The following ACOXL variants were observed in gnomAD, a reference collection of about 807,000 sequenced individuals.
ACOXL encodes acyl-coenzyme A oxidase-like protein.
Under a neutral mutation model 71.9 loss-of-function variants are expected in ACOXL, and 70 were observed. The observed-to-expected ratio is 0.97, with a 90% CI of 0.80 to 1.19. ACOXL has a LOEUF of 1.19. ACOXL is among the 50% of genes most tolerant of loss of function. The pLI, the probability that ACOXL is intolerant of heterozygous loss-of-function variation, is 0.00. For synonymous variants in ACOXL, 253 were observed against 281.6 expected (o/e 0.90, Z 1.02); for missense variants, 703 against 736.3 (o/e 0.95, Z 0.52).
At chr2:110,871,686 G>A (rs574475738) in intron 10 of ACOXL, among the ~76,000 whole-genome samples, 2 of 152,156 alleles carry the variant, frequency 1.3e-5, no homozygotes, top group Non-Finnish European at 2.9e-5. Context: ...CAGCATCTCT[G>A]CCTCCCCGGG....
intron 15 of ACOXL, among the ~76,000 whole-genome samples, chr2:111,044,436 G>A (rs1286692929): frequency 6.6e-6 from 1 of 152,250 alleles, no homozygotes; most frequent in Non-Finnish European, 1.5e-5. Context: ...CCATGGGCAG[G>A]GCCCTCTAAA....
intron 14 of ACOXL, among the ~76,000 whole-genome samples, chr2:111,008,263 C>T (rs948508644): frequency 5.9e-5 from 9 of 152,094 alleles, no homozygotes; most frequent in Non-Finnish European, 1.2e-4. Flanking sequence ...TTTGGCTAAG[C>T]GAAATATTAC....
intron 10 of ACOXL, chr2:110,886,660 T>G: frequency 4.6e-6 from 6 of 1,297,310 alleles, no homozygotes; most frequent in Non-Finnish European, 5.3e-6. Flanking sequence ...ATTACAGGCT[T>G]GAGCCACTGC....
chr2:110,982,158 T>TTTG (rs1271077609), intron 12 of ACOXL, among the ~76,000 whole-genome samples: 2 of 152,132 alleles, frequency 1.3e-5, no homozygotes, highest in Non-Finnish European at 2.9e-5. Context: ...GTGTTTTTTT[T>TTTG]TGTTTGTTTG....
intron 10 of ACOXL, among the ~76,000 whole-genome samples, chr2:110,883,686 T>C (rs9308692): frequency 0.32 from 48,983 of 152,056 alleles, 8,150 homozygotes; most frequent in Middle Eastern, 0.39. Context: ...AGTGCTATTT[T>C]ATGTTTAGGA....
At position 110,943,696 on chromosome 2, in the gene ACOXL, G is replaced by GT. The variant is rs754317940; in HGVS notation, c.1059+10055dup. On this transcript the variant is annotated intron_variant, in intron 12 of 17. Coordinates refer to ENST00000439055, the MANE Select transcript of ACOXL (RefSeq NM_001142807.4). ...GAGGTACTAAACTCCATAGGGCTTA[G>GT]TGCTTCTGATACCCCAAACCTGACC... Among the ~76,000 whole-genome samples the GT allele has an allele frequency of 1.1e-3, 161 of 152,308 alleles. 2 individuals are homozygous for GT. The highest frequency in any genetic ancestry group is 4.4e-3 in the Admixed American group (67 of 15,304).
chr2:110,877,485 G>T (rs1039417932), intron 10 of ACOXL, among the ~76,000 whole-genome samples: 1 of 152,048 alleles, frequency 6.6e-6, no homozygotes, highest in Admixed American at 6.6e-5. Context: ...GTGGGATCTC[G>T]CAAATAGGGT....
chr2:110,980,096 C>G (rs1381431357), intron 12 of ACOXL, among the ~76,000 whole-genome samples: 1 of 152,206 alleles, frequency 6.6e-6, no homozygotes, highest in Non-Finnish European at 1.5e-5. Flanking sequence ...AGCCCAGGCT[C>G]TGTTTCACCC....
chr2:111,024,189 G>A (rs529116265), intron 14 of ACOXL, among the ~76,000 whole-genome samples: 15 of 152,290 alleles, frequency 9.8e-5, no homozygotes, highest in South Asian at 2.1e-4. Context: ...TACTCTCTCC[G>A]TCCTCTCTGT....
intron 10 of ACOXL, among the ~76,000 whole-genome samples, chr2:110,852,964 G>A (rs538111035): frequency 2.6e-5 from 4 of 152,280 alleles, no homozygotes; most frequent in East Asian, 1.9e-4. Context: ...TGCTTGGAGC[G>A]GAAGGAGAGT....
At chr2:111,091,977 AT>A (rs1218491740) in intron 16 of ACOXL, among the ~76,000 whole-genome samples, 1 of 152,184 alleles carries the variant, frequency 6.6e-6, no homozygotes, top group African/African-American at 2.4e-5. Flanking sequence ...TGGGAAGATC[AT>A]TTCTATTTGA....
At chr2:110,997,162 C>T (rs541712856) in intron 14 of ACOXL, among the ~76,000 whole-genome samples, 29 of 152,136 alleles carry the variant, frequency 1.9e-4, no homozygotes, top group African/African-American at 4.6e-4. Context: ...AAACTGTTTT[C>T]GAAGACTATA....
chr2:110,921,953 T>C (rs2060095044), intron 11 of ACOXL, among the ~76,000 whole-genome samples: 1 of 152,360 alleles, frequency 6.6e-6, no homozygotes, highest in East Asian at 1.9e-4. Context: ...TTGAAATTTA[T>C]GGCTCAGTAA....
At chr2:111,031,765 G>A (rs761761400) in intron 15 of ACOXL, 51 bp downstream of exon 15, 8 of 1,554,248 alleles carry the variant, frequency 5.1e-6, no homozygotes, top group East Asian at 4.5e-5. Context: ...AGGGGTCTAC[G>A]GGTCCCTGGA....
intron 9 of ACOXL, among the ~76,000 whole-genome samples, chr2:110,840,443 C>G (rs1350301381): frequency 6.6e-6 from 1 of 152,196 alleles, no homozygotes; most frequent in Non-Finnish European, 1.5e-5. Flanking sequence ...CATACACACA[C>G]AGAGATAAGA....
At chr2:110,811,785 A>ACACACACG (rs1225876415) in intron 9 of ACOXL, among the ~76,000 whole-genome samples, 41 of 149,070 alleles carry the variant, frequency 2.8e-4, no homozygotes, top group Non-Finnish European at 4.3e-4. Flanking sequence ...ACACACACAC[A>ACACACACG]CGCGGGGAGG....
At chr2:111,112,699 C>T (rs1411561185) in intron 17 of ACOXL, among the ~76,000 whole-genome samples, 2 of 152,202 alleles carry the variant, frequency 1.3e-5, no homozygotes, top group African/African-American at 4.8e-5. Flanking sequence ...ATTTGCCAGT[C>T]CATGTGCTGC....
chr2:110,820,271 G>A (rs533930705), intron 9 of ACOXL, among the ~76,000 whole-genome samples: 1 of 152,232 alleles, frequency 6.6e-6, no homozygotes, highest in African/African-American at 2.4e-5. Context: ...AGCCCAGATG[G>A]GAAAGAGGAA....
chr2:110,967,962 A>G lies in ACOXL; in HGVS notation c.1060-19146A>G, dbSNP rs2062005157. On this transcript the variant is annotated intron_variant, in intron 12 of 17. Coordinates refer to ENST00000439055, the MANE Select transcript of ACOXL (RefSeq NM_001142807.4). ...ACTTGGAGATACAGGATAAAAATAA[A>G]TACAACACACCCAAATATAGGATAG... is the stretch of plus-strand genomic sequence containing the variant. 3 of 934,132 alleles carry G rather than the reference A, an allele frequency of 3.2e-6. 1 individual carries two copies. The highest frequency in any genetic ancestry group is 2.6e-5 in the South Asian group (2 of 76,270). 57.9% of individuals were successfully genotyped at this position (934,132 alleles called of 1,614,324 possible).
Sources: gnomAD v4.1 joint callset for allele counts (sites outside exome capture counted in the v4.1 genomes callset) on GRCh38, gnomAD v4.1.1 for gene constraint, MANE v1.5 for transcripts, NCBI Gene and HGNC (gene_info 2026-07-23, HGNC 2026-07-21) for gene names.